The following CHN2 variants were observed in gnomAD, a reference collection of about 807,000 sequenced individuals.
CHN2 encodes the protein chimerin 2.
A neutral mutation model predicts 56.3 loss-of-function variants in CHN2; 35 were observed. The observed-to-expected ratio is 0.62, with a 90% CI of 0.47 to 0.82. The LOEUF (loss-of-function observed/expected upper bound fraction) is 0.82, where lower values mean the gene tolerates loss of function less well. Ranked by LOEUF, CHN2 falls within the 40% of genes least tolerant of loss-of-function variation. The pLI is 0.00. For missense variants in CHN2, 491 were observed against 580.5 expected (o/e 0.85, Z 1.58); for synonymous variants, 210 against 212.8 (o/e 0.99, Z 0.12).
intron 6 of CHN2, among the ~76,000 whole-genome samples, chr7:29,463,082 C>T (rs978080564): frequency 6.6e-6 from 1 of 152,004 alleles, no homozygotes; most frequent in Non-Finnish European, 1.5e-5. Context: ...AGAATTCCAA[C>T]ACAAGGAAAT....
rs537886243 is a variant in CHN2 at position 29,296,122 on chromosome 7, C to T, written c.50-58503C>T. Among the ~76,000 whole-genome samples, 7 of 151,012 alleles carry T rather than the reference C, an allele frequency of 4.6e-5. No homozygotes were observed. The South Asian group carries it at 8.4e-4, about 18-fold the overall frequency. ...TTTTTAAGACAGAGTCTCGCTCTGTCGCCCAGGCTGGAGTGCAGTGGCGTG... is the reference window on the plus strand; with the variant it reads ...TTTTTAAGACAGAGTCTCGCTCTGTTGCCCAGGCTGGAGTGCAGTGGCGTG... On this transcript the variant is annotated intron_variant, in intron 1 of 12. Coordinates refer to ENST00000222792, the MANE Select transcript of CHN2 (RefSeq NM_004067.4).
In CHN2 at chr7:29,479,978, C is replaced by T. The variant is rs115258399; in HGVS notation, c.577-301C>T. The T allele has an allele frequency of 1.2e-3, 1,787 of 1,464,956 alleles. 25 individuals carry two copies. The African/African-American group carries it at 0.023, about 19-fold the overall frequency. The allele number at this position is 1,464,956 out of a possible 1,614,324, so 90.7% of individuals were successfully genotyped here. A position where few individuals can be genotyped will look rare whatever the true frequency, so the allele number is the denominator to read the frequency against. On this transcript the variant is annotated intron_variant, in intron 6 of 12. Transcript: ENST00000222792. ...AAACTGGGCCTTTCAGGTCACATGCCGGAGGCTGCTGCAGACAGGACCCAG... is the reference window on the plus strand; with the variant it reads ...AAACTGGGCCTTTCAGGTCACATGCTGGAGGCTGCTGCAGACAGGACCCAG...
chr7:29,350,128 C>T (rs1261497052), intron 1 of CHN2, among the ~76,000 whole-genome samples: 1 of 152,114 alleles, frequency 6.6e-6, no homozygotes, highest in African/African-American at 2.4e-5. Context: ...TTTGGGGGGA[C>T]TGCCTGGCAA....
At chr7:29,474,718 A>G (rs951683215) in intron 6 of CHN2, among the ~76,000 whole-genome samples, 2 of 152,242 alleles carry the variant, frequency 1.3e-5, no homozygotes, top group African/African-American at 4.8e-5. Flanking sequence ...GTTGGAATAC[A>G]GGGAGACATA....
chr7:29,407,508 G>C (rs1802764528), intron 6 of CHN2, among the ~76,000 whole-genome samples: 1 of 152,048 alleles, frequency 6.6e-6, no homozygotes, highest in South Asian at 2.1e-4. Context: ...TGCATTACAG[G>C]GTCTAAAGAA....
chr7:29,408,650 T>G (rs1802888726), intron 6 of CHN2, among the ~76,000 whole-genome samples: 1 of 152,172 alleles, frequency 6.6e-6, no homozygotes, highest in Non-Finnish European at 1.5e-5. Flanking sequence ...TGGGAAACAA[T>G]TAACTGAAGT....
In CHN2 at chr7:29,482,676, G is replaced by C. The variant is rs1011325570; in HGVS notation, c.654+2320G>C. Reference sequence around the variant, plus strand: ...AGAAGCCTTCTTGATTTGTAATTCGGGTTAATATTTGAGGCTACTATGTGC... The same window carrying C: ...AGAAGCCTTCTTGATTTGTAATTCGCGTTAATATTTGAGGCTACTATGTGC... On this transcript the variant is annotated intron_variant, in intron 7 of 12. Transcript: ENST00000222792. 4.0e-5 allele frequency among the ~76,000 whole-genome samples: 6 copies of C among 151,656 alleles called. No individual in the cohort carries two copies. In the East Asian group the frequency reaches 9.7e-4, roughly 24 times the overall value.
At chr7:29,151,010 C>T (rs245889) in intron 2 of CHN2, among the ~76,000 whole-genome samples, 82,642 of 151,996 alleles carry the variant, frequency 0.54, 22,967 homozygotes, top group African/African-American at 0.66. Context: ...TTCTGCACCT[C>T]AGCTATAAGC....
At chr7:29,291,861 C>T (rs531655088) in intron 1 of CHN2, among the ~76,000 whole-genome samples, 2 of 152,156 alleles carry the variant, frequency 1.3e-5, no homozygotes, top group South Asian at 2.1e-4. Flanking sequence ...AAGTTAGCAC[C>T]GAATGTTTTC....
intron 1 of CHN2, among the ~76,000 whole-genome samples, chr7:29,263,981 C>T (rs1458954463): frequency 8.3e-6 from 1 of 120,672 alleles, no homozygotes; most frequent in Non-Finnish European, 1.7e-5. Flanking sequence ...GGGGGGGCAG[C>T]CCCCGCCCAG....
At chr7:29,149,249 A>C (rs144732368) in intron 2 of CHN2, among the ~76,000 whole-genome samples, 1 of 137,516 alleles carries the variant, frequency 7.3e-6, no homozygotes, top group Non-Finnish European at 1.5e-5. Context: ...CTGGACTGCA[A>C]TGTCGCAATC....
At chr7:29,458,785 A>C (rs186766707) in intron 6 of CHN2, among the ~76,000 whole-genome samples, 1 of 152,214 alleles carries the variant, frequency 6.6e-6, no homozygotes, top group Non-Finnish European at 1.5e-5. Flanking sequence ...TCTCTTGGCT[A>C]TGTAAAAGCG....
intron 2 of CHN2, among the ~76,000 whole-genome samples, chr7:29,160,791 C>T (rs1255316464): frequency 6.6e-6 from 1 of 152,168 alleles, no homozygotes; most frequent in Non-Finnish European, 1.5e-5. Context: ...ATCTAACAAA[C>T]CCACCCTGAG....
At chr7:29,212,699 C>G in intron 1 of CHN2, 1 of 1,568,946 alleles carries the variant, frequency 6.4e-7, no homozygotes, top group Non-Finnish European at 8.8e-7. Flanking sequence ...TATCTGGAAC[C>G]TCAGCTACAA....
At chr7:29,498,454 G>GT (rs914964005) in intron 8 of CHN2, among the ~76,000 whole-genome samples, 23 of 151,786 alleles carry the variant, frequency 1.5e-4, no homozygotes, top group African/African-American at 2.7e-4. Flanking sequence ...AACTGTTTTT[G>GT]TTTTTTTTAT....
Position 29,383,349 on chromosome 7 carries a change from C to G in CHN2, c.145-10330C>G, listed in dbSNP as rs76759489. On this transcript the variant is annotated intron_variant, in intron 3 of 12. Transcript: ENST00000222792. The stretch of plus-strand genomic sequence containing the variant: ...CTGAAGGTCTAAGAACCAAGAATAC[C>G]AAGGGCAGGAGAAGATCGGTGTTCC... Among the ~76,000 whole-genome samples the G allele has an allele frequency of 3.1e-4, 47 of 152,088 alleles. No individual in the cohort carries two copies. In the East Asian group the frequency reaches 8.9e-3, roughly 29 times the overall value.
chr7:29,251,796 G>C (rs1788540151), intron 1 of CHN2, among the ~76,000 whole-genome samples: 1 of 152,158 alleles, frequency 6.6e-6, no homozygotes, highest in Non-Finnish European at 1.5e-5. Flanking sequence ...GCCAGATTTG[G>C]AACTAGTAAG....
intron 6 of CHN2, among the ~76,000 whole-genome samples, chr7:29,458,451 T>A (rs1252281619): frequency 6.6e-6 from 1 of 151,876 alleles, no homozygotes; most frequent in East Asian, 1.9e-4. Flanking sequence ...AGAATTCTAA[T>A]GTTAGCTGCC....
At chr7:29,362,700 C>A (rs1188510948) in intron 2 of CHN2, among the ~76,000 whole-genome samples, 1 of 152,198 alleles carries the variant, frequency 6.6e-6, no homozygotes, top group Non-Finnish European at 1.5e-5. Context: ...CTCTTCTCTA[C>A]CTGCAGAACC....
Sources: gnomAD v4.1 joint callset for allele counts (sites outside exome capture counted in the v4.1 genomes callset) on GRCh38, gnomAD v4.1.1 for gene constraint, MANE v1.5 for transcripts, NCBI Gene and HGNC (gene_info 2026-07-23, HGNC 2026-07-21) for gene names.